NFE2L2: variants seen among roughly 807,000 people sequenced by gnomAD.
NFE2L2 encodes NFE2 like bZIP transcription factor 2.
Under a neutral mutation model 49.6 loss-of-function variants are expected in NFE2L2, and 20 were observed. The observed-to-expected ratio is 0.40, with a 90% CI of 0.28 to 0.59. The LOEUF (loss-of-function observed/expected upper bound fraction) is 0.59. Ranked by LOEUF, NFE2L2 falls within the 20% of genes least tolerant of loss-of-function variation. The pLI is 0.40. For synonymous variants in NFE2L2, 244 were observed against 256.5 expected, an observed-to-expected ratio of 0.95 and a Z score of 0.47; for missense variants, 578 against 714.2, an observed-to-expected ratio of 0.81 and a Z score of 2.17.
chr2:177,263,480 A>G (rs1288996847), intron 1 of NFE2L2: 13 of 985,430 alleles, frequency 1.3e-5, no homozygotes, highest in Non-Finnish European at 1.6e-5. Context: ...CCAAAGACAA[A>G]GCCGCTCTGG....
intron 1 of NFE2L2, among the ~76,000 whole-genome samples, chr2:177,260,663 TC>T (rs1390819243): frequency 2.0e-5 from 3 of 152,258 alleles, no homozygotes; most frequent in African/African-American, 7.2e-5. Context: ...TCTGTCACAC[TC>T]TTCACCATAT....
At position 177,234,083 on chromosome 2, in the gene NFE2L2, T is replaced by C. The variant is rs2105458565; in HGVS notation, c.234A>G (p.Glu78=). The C allele has an allele frequency of 6.2e-7, 1 of 1,614,240 alleles. No individual in the cohort carries two copies. The highest frequency in any genetic ancestry group is 8.5e-7 in the Non-Finnish European group (1 of 1,180,040). ...KAFFAQLQLD[E]ETGEFLPIQP... ...GAATTGGGAGAAATTCACCTGTCTC[T>C]TCATCTAGTTGTAACTGAGCGAAAA... The change falls in exon 2 of 5, where the codon GAA becomes GAG. Residue 78 remains glutamate (E), a synonymous_variant. Transcript: ENST00000397062.
chr2:177,239,722 A>G (rs938637671), intron 1 of NFE2L2, among the ~76,000 whole-genome samples: 4 of 152,082 alleles, frequency 2.6e-5, no homozygotes, highest in Admixed American at 1.3e-4. Context: ...AGAGGTCTCA[A>G]AACAAAACAA....
At chr2:177,233,822 A>G (rs968006381) in intron 2 of NFE2L2, 183 bp downstream of exon 2, 9 of 697,928 alleles carry the variant, frequency 1.3e-5, no homozygotes, top group African/African-American at 1.1e-4. Context: ...GTTAAGATCA[A>G]TAGGTTGGGT....
chr2:177,246,956 G>A (rs945777891), intron 1 of NFE2L2, among the ~76,000 whole-genome samples: 1 of 151,968 alleles, frequency 6.6e-6, no homozygotes, highest in African/African-American at 2.4e-5. Context: ...TACTGAAACA[G>A]TATTACTTAA....
chr2:177,258,666 AAAAAC>A (rs1163089268), intron 1 of NFE2L2, among the ~76,000 whole-genome samples: 1 of 152,240 alleles, frequency 6.6e-6, no homozygotes, highest in Non-Finnish European at 1.5e-5. Flanking sequence ...TAGAGGAAAA[AAAAAC>A]AGATACATAA....
At chr2:177,261,772 T>G (rs981228952) in intron 1 of NFE2L2, among the ~76,000 whole-genome samples, 4 of 152,188 alleles carry the variant, frequency 2.6e-5, no homozygotes, top group African/African-American at 9.7e-5. Flanking sequence ...AGTGCCAAAT[T>G]CTTCCTGCAT....
At chr2:177,249,733 AC>A (rs1690266220) in intron 1 of NFE2L2, among the ~76,000 whole-genome samples, 1 of 152,254 alleles carries the variant, frequency 6.6e-6, no homozygotes, top group African/African-American at 2.4e-5. Flanking sequence ...AAAACACAAT[AC>A]ACACTACAAG....
At chr2:177,251,323 A>G (rs1690329880) in intron 1 of NFE2L2, among the ~76,000 whole-genome samples, 1 of 152,228 alleles carries the variant, frequency 6.6e-6, no homozygotes, top group Non-Finnish European at 1.5e-5. Context: ...TTAGCCTTCC[A>G]CTGATGCATT....
chr2:177,238,042 G>A (rs1486473534), intron 1 of NFE2L2, among the ~76,000 whole-genome samples: 1 of 152,190 alleles, frequency 6.6e-6, no homozygotes, highest in Non-Finnish European at 1.5e-5. Context: ...GGCAGTCCAT[G>A]TTCCCACCCA....
chr2:177,237,739 G>A (rs926015271), intron 1 of NFE2L2, among the ~76,000 whole-genome samples: 2 of 152,060 alleles, frequency 1.3e-5, no homozygotes, highest in East Asian at 1.9e-4. Context: ...GGCTGGTCTC[G>A]AACCCCTGAC....
rs1689659619 is a variant in NFE2L2, at chr2:177,234,118, C to T, written c.199G>A (p.Glu67Lys). Residue 67 changes from glutamate to lysine, a missense_variant, in exon 2 of 5, where the codon GAG (glutamate) becomes AAG (lysine). By Grantham distance (56) the Glu-to-Lys change is moderately conservative. Around this residue, in one of 3 missense-constraint regions of NFE2L2, gnomAD observed 93 missense variants for 153.9 expected, o/e 0.60. Coordinates refer to ENST00000397062, the MANE Select transcript of NFE2L2 (RefSeq NM_006164.5). ...TGTAACTGAGCGAAAAAGGCTTTCT[C>T]TTGCTCCTTTTGGAGTTGTTCTTGT... is the stretch of plus-strand genomic sequence containing the variant. ...ERQEQLQKEQEKAFFAQLQLD... is the reference protein window; with the variant it reads ...ERQEQLQKEQKKAFFAQLQLD... 6.2e-7 allele frequency: 1 copy of T among 1,614,058 alleles called. No homozygotes were observed. Among genetic ancestry groups the T allele is most frequent in the South Asian group, 1.1e-5 (1 of 91,078 alleles).
intron 1 of NFE2L2, among the ~76,000 whole-genome samples, chr2:177,253,480 G>A (rs902940472): frequency 6.6e-6 from 1 of 152,178 alleles, no homozygotes; most frequent in Non-Finnish European, 1.5e-5. Flanking sequence ...GGGGATACGT[G>A]CTGCATTATC....
At chr2:177,242,196 A>C (rs898120789) in intron 1 of NFE2L2, among the ~76,000 whole-genome samples, 2 of 152,220 alleles carry the variant, frequency 1.3e-5, no homozygotes, top group African/African-American at 2.4e-5. Context: ...ATACAGAAAC[A>C]CAGAATACTG....
chr2:177,263,628 C>G, intron 1 of NFE2L2: 1 of 985,478 alleles, frequency 1.0e-6, no homozygotes, highest in Non-Finnish European at 1.2e-6. Context: ...GTCACGGAAG[C>G]CAAGGCCACG....
intron 1 of NFE2L2, among the ~76,000 whole-genome samples, chr2:177,247,709 A>G (rs1690185456): frequency 6.6e-6 from 1 of 151,938 alleles, no homozygotes; most frequent in Non-Finnish European, 1.5e-5. Context: ...AAAAGAAAAA[A>G]GAATAAACTT....
intron 1 of NFE2L2, among the ~76,000 whole-genome samples, chr2:177,235,729 A>C (rs1689727868): frequency 6.6e-6 from 1 of 152,118 alleles, no homozygotes; most frequent in South Asian, 2.1e-4. Context: ...AGGGAGACTG[A>C]AGTGAGAGGA....
At chr2:177,236,253 C>T (rs925005661) in intron 1 of NFE2L2, among the ~76,000 whole-genome samples, 4 of 152,214 alleles carry the variant, frequency 2.6e-5, no homozygotes, top group Admixed American at 1.3e-4. Flanking sequence ...CTGGAGGCAG[C>T]GCAGCTAGCT....
Position 177,231,662 on chromosome 2 carries a change from T to A in NFE2L2, c.941A>T (p.Asn314Ile). The change falls in exon 5 of 5, where the codon AAT becomes ATT. Residue 314 changes from asparagine to isoleucine, a missense_variant. Coordinates refer to ENST00000397062, the MANE Select transcript of NFE2L2 (RefSeq NM_006164.5). ...TLSHSLSELL[N>I]GPIDVSDLSL... Reference sequence around the variant, plus strand: ...TAGATCAGAAACATCAATGGGCCCATTTAGAAGTTCAGAGAGTGAATGGCT... The same window carrying A: ...TAGATCAGAAACATCAATGGGCCCAATTAGAAGTTCAGAGAGTGAATGGCT... The A allele has an allele frequency of 6.2e-7, 1 of 1,614,190 alleles. No individual in the cohort carries two copies. Among genetic ancestry groups the A allele is most frequent in the South Asian group, 1.1e-5 (1 of 91,084 alleles).
Sources: gnomAD v4.1 joint callset for allele counts (sites outside exome capture counted in the v4.1 genomes callset) on GRCh38, gnomAD v4.1.1 for gene constraint, gnomAD v4.1.1 regional missense constraint, MANE v1.5 for transcripts, NCBI Gene and HGNC (gene_info 2026-07-23, HGNC 2026-07-21) for gene names.